Variants in FRMD4A observed in about 807,000 individuals in gnomAD.
The protein encoded by FRMD4A is FERM domain-containing protein 4A.
Under a neutral mutation model 129.1 loss-of-function variants are expected in FRMD4A, and 29 were observed. The ratio of observed to expected loss-of-function variants is 0.22; its 90% CI spans 0.17 to 0.31. The LOEUF is 0.31. Among genes scored for constraint, FRMD4A ranks in the 10% least tolerant of loss-of-function variants. The pLI is 1.00. For missense variants in FRMD4A, 1,272 were observed against 1,375.8 expected (o/e 0.92, Z 1.19); for synonymous variants, 634 against 571.6 (o/e 1.11, Z -1.56).
chr10:14,285,996 A>G (rs1451161954), intron 2 of FRMD4A, among the ~76,000 whole-genome samples: 2 of 152,252 alleles, frequency 1.3e-5, no homozygotes, highest in Non-Finnish European at 1.5e-5. Flanking sequence ...TGGATCCATG[A>G]AAGAACTTCT....
At chr10:14,328,140 G>C (rs1050446765) in intron 2 of FRMD4A, among the ~76,000 whole-genome samples, 18 of 152,120 alleles carry the variant, frequency 1.2e-4, no homozygotes, top group African/African-American at 4.3e-4. Context: ...TGGTACTCCA[G>C]GGTTCTTTAA....
At chr10:13,654,661 C>T in intron 22 of FRMD4A, 149 bp from the exon 23 acceptor site, 2 of 613,752 alleles carry the variant, frequency 3.3e-6, no homozygotes, top group South Asian at 3.9e-5. Context: ...AGGGTCTCAG[C>T]ATCCCTATGG....
At position 13,731,035 on chromosome 10, in the gene FRMD4A, A is replaced by G. The variant is rs1233843968; in HGVS notation, c.759+6809T>C. Among the ~76,000 whole-genome samples the G allele has an allele frequency of 2.6e-5, 4 of 151,972 alleles. No homozygotes were observed. In the East Asian group the frequency reaches 7.7e-4, roughly 29 times the overall value. On this transcript the variant is annotated intron_variant, in intron 12 of 24. Transcript: ENST00000357447. ...AGAGCGAGACTCCCTCTCAAAAAAA[A>G]AAAAAGATTTTTTTTTTCTATTGTG...
At chr10:13,774,528 T>G (rs2092548665) in intron 6 of FRMD4A, among the ~76,000 whole-genome samples, 1 of 152,202 alleles carries the variant, frequency 6.6e-6, no homozygotes, top group Non-Finnish European at 1.5e-5. Context: ...GATCCCTGGA[T>G]GTGGGAGGAC....
At chr10:13,922,694 A>G (rs1309503710) in intron 2 of FRMD4A, among the ~76,000 whole-genome samples, 1 of 152,222 alleles carries the variant, frequency 6.6e-6, no homozygotes, top group African/African-American at 2.4e-5. Context: ...CCAAAACAGG[A>G]GACAAAATTA....
intron 2 of FRMD4A, among the ~76,000 whole-genome samples, chr10:14,194,682 A>T (rs1234309927): frequency 1.3e-5 from 2 of 152,204 alleles, no homozygotes; most frequent in Non-Finnish European, 1.5e-5. Context: ...CATTTCTGAG[A>T]TGTCAAGAGG....
At chr10:13,987,649 T>A (rs899421545) in intron 2 of FRMD4A, among the ~76,000 whole-genome samples, 2 of 152,128 alleles carry the variant, frequency 1.3e-5, no homozygotes, top group Non-Finnish European at 2.9e-5. Context: ...GTTATAGAAA[T>A]GAGTGACTCA....
chr10:13,807,866 T>A (rs2093382022), intron 4 of FRMD4A, among the ~76,000 whole-genome samples: 1 of 150,496 alleles, frequency 6.6e-6, no homozygotes, highest in Non-Finnish European at 1.5e-5. Context: ...TGGCACACTC[T>A]CGGCTCACTG....
intron 2 of FRMD4A, among the ~76,000 whole-genome samples, chr10:14,142,975 T>C (rs1457955674): frequency 7.4e-6 from 1 of 134,512 alleles, no homozygotes; most frequent in Non-Finnish European, 1.7e-5. Context: ...AGGATGGCTA[T>C]GATAAAAAAA....
chr10:13,786,071 A>G (rs1482488302), intron 5 of FRMD4A, among the ~76,000 whole-genome samples: 1 of 152,214 alleles, frequency 6.6e-6, no homozygotes, highest in Non-Finnish European at 1.5e-5. Flanking sequence ...GAATAGTGCC[A>G]CAATAAACAT....
intron 15 of FRMD4A, among the ~76,000 whole-genome samples, chr10:13,690,940 G>A (rs1232683562): frequency 6.6e-6 from 1 of 152,204 alleles, no homozygotes; most frequent in Non-Finnish European, 1.5e-5. Context: ...CCTGTGGGGA[G>A]TCATAGAGAT....
intron 2 of FRMD4A, among the ~76,000 whole-genome samples, chr10:14,087,792 G>C (rs79074193): frequency 6.6e-6 from 1 of 152,128 alleles, no homozygotes; most frequent in East Asian, 1.9e-4. Context: ...CCTGTCGGCA[G>C]CACGGATTTC....
intron 2 of FRMD4A, among the ~76,000 whole-genome samples, chr10:14,171,339 C>T (rs1257898728): frequency 2.6e-5 from 4 of 152,170 alleles, no homozygotes; most frequent in African/African-American, 7.2e-5. Flanking sequence ...AGCCTAGAGA[C>T]TCCTTTAGAT....
chr10:14,144,266 T>C (rs1839974818), intron 2 of FRMD4A, among the ~76,000 whole-genome samples: 1 of 152,140 alleles, frequency 6.6e-6, no homozygotes, highest in Admixed American at 6.5e-5. Flanking sequence ...AGCAGTCACA[T>C]TACCTGAGCC....
At chr10:13,898,550 A>T (rs2094784098) in intron 2 of FRMD4A, among the ~76,000 whole-genome samples, 1 of 152,182 alleles carries the variant, frequency 6.6e-6, no homozygotes, top group Non-Finnish European at 1.5e-5. Flanking sequence ...AAAGTGATGG[A>T]GCAAAAATTC....
intron 2 of FRMD4A, among the ~76,000 whole-genome samples, chr10:14,070,227 C>A (rs576644149): frequency 2.2e-4 from 34 of 152,294 alleles, no homozygotes; most frequent in African/African-American, 7.0e-4. Context: ...CCTGCAGGGA[C>A]CCCTGTGAGG....
rs184608410 is a variant in FRMD4A at position 13,944,580 on chromosome 10, C to T, written c.46-85668G>A. On this transcript the variant is annotated intron_variant, in intron 2 of 24. Coordinates refer to ENST00000357447, the MANE Select transcript of FRMD4A (RefSeq NM_018027.5). ...AATTGTCTTCCATGAATCAGGTCCCCGGTGCCAAAAAAGTTGGGGACCACT... is the reference window on the plus strand; with the variant it reads ...AATTGTCTTCCATGAATCAGGTCCCTGGTGCCAAAAAAGTTGGGGACCACT... Among the ~76,000 whole-genome samples, 20 of 152,250 alleles carry T rather than the reference C, an allele frequency of 1.3e-4. 1 individual carries two copies. The East Asian group carries it at 1.7e-3, about 13-fold the overall frequency.
At chr10:14,152,579 G>C (rs1840393393) in intron 2 of FRMD4A, among the ~76,000 whole-genome samples, 1 of 152,202 alleles carries the variant, frequency 6.6e-6, no homozygotes, top group Non-Finnish European at 1.5e-5. Context: ...TGTGAAGCCT[G>C]TGCATTAAGA....
At chr10:14,109,006 A>T (rs956519326) in intron 2 of FRMD4A, among the ~76,000 whole-genome samples, 1 of 152,104 alleles carries the variant, frequency 6.6e-6, no homozygotes, top group Non-Finnish European at 1.5e-5. Context: ...TACTTTCTTG[A>T]TAACATTCAA....
Sources: gnomAD v4.1 joint callset for allele counts (sites outside exome capture counted in the v4.1 genomes callset) on GRCh38, gnomAD v4.1.1 for gene constraint, MANE v1.5 for transcripts, NCBI Gene and HGNC (gene_info 2026-07-23, HGNC 2026-07-21) for gene names.